Variants in UNC5D observed in about 807,000 individuals in gnomAD.
UNC5D encodes the protein netrin receptor UNC5D.
In UNC5D, 39 loss-of-function variants were observed where a neutral mutation model predicts 105.4. The observed-to-expected ratio is 0.37, with a 90% CI of 0.29 to 0.48. UNC5D has a LOEUF of 0.48. Among genes scored for constraint, UNC5D ranks in the 20% least tolerant of loss-of-function variants. The pLI is 0.98. For missense variants in UNC5D, 991 were observed against 1,202.4 expected, an observed-to-expected ratio of 0.82 and a Z score of 2.60; for synonymous variants, 452 against 450.4, an observed-to-expected ratio of 1.00 and a Z score of -0.04.
At chr8:35,624,819 G>T (rs925693022) in intron 4 of UNC5D, among the ~76,000 whole-genome samples, 22 of 152,136 alleles carry the variant, frequency 1.4e-4, no homozygotes, top group African/African-American at 5.3e-4. Context: ...ACAAATTGCT[G>T]TGCTTCTTCC....
At chr8:35,681,945 T>A (rs938648228) in intron 4 of UNC5D, among the ~76,000 whole-genome samples, 2 of 151,100 alleles carry the variant, frequency 1.3e-5, no homozygotes, top group Non-Finnish European at 2.9e-5. Flanking sequence ...TTAAACCAAA[T>A]AATTATAGAA....
intron 1 of UNC5D, among the ~76,000 whole-genome samples, chr8:35,404,278 A>G (rs1172332015): frequency 5.9e-5 from 9 of 152,190 alleles, no homozygotes; most frequent in Non-Finnish European, 1.3e-4. Context: ...GTTTGTCAAG[A>G]GGCCAAGAAA....
intron 1 of UNC5D, among the ~76,000 whole-genome samples, chr8:35,439,906 C>T (rs367631579): frequency 6.6e-6 from 1 of 151,892 alleles, no homozygotes; most frequent in African/African-American, 2.4e-5. Flanking sequence ...CTCAGGATGG[C>T]GTATTTCACT....
At chr8:35,270,874 A>T (rs1039076038) in intron 1 of UNC5D, among the ~76,000 whole-genome samples, 14 of 152,074 alleles carry the variant, frequency 9.2e-5, no homozygotes, top group African/African-American at 3.4e-4. Context: ...GCAATAAAAA[A>T]AAAATCACTA....
intron 1 of UNC5D, among the ~76,000 whole-genome samples, chr8:35,357,250 GA>G (rs1396076434): frequency 1.3e-5 from 2 of 152,072 alleles, no homozygotes; most frequent in Non-Finnish European, 2.9e-5. Flanking sequence ...GTTACCACGA[GA>G]AAAAAGTCAA....
At chr8:35,417,146 T>C (rs1805583595) in intron 1 of UNC5D, among the ~76,000 whole-genome samples, 1 of 152,174 alleles carries the variant, frequency 6.6e-6, no homozygotes, top group Admixed American at 6.5e-5. Flanking sequence ...GTCATTCTGT[T>C]GTGCTATCAA....
intron 1 of UNC5D, among the ~76,000 whole-genome samples, chr8:35,422,156 A>G (rs1262438007): frequency 1.3e-5 from 2 of 152,182 alleles, no homozygotes; most frequent in Non-Finnish European, 2.9e-5. Flanking sequence ...AGCTGCCACC[A>G]GTTGTCACCG....
chr8:35,683,727 G>A lies in UNC5D; in HGVS notation c.751G>A (p.Val251Met), dbSNP rs1825822877. The A allele has an allele frequency of 2.6e-6, 4 of 1,509,990 alleles. No homozygotes were observed. Among genetic ancestry groups the A allele is most frequent in the Non-Finnish European group, 3.5e-6 (4 of 1,135,926 alleles). The allele number at this position is 1,509,990 out of a possible 1,614,324, so 93.5% of individuals were successfully genotyped here. A position where few individuals can be genotyped will look rare whatever the true frequency, so the allele number is the denominator to read the frequency against. ...RSLSATVVVY[V>M]NGGWSSWTEW... ...CCTGTCGGCCACTGTTGTGGTCTAC[G>A]GTAAGACCATTCCAAAGGCCAGGAA... The change falls in exon 5 of 17, where the codon GTG (valine) becomes ATG (methionine). Residue 251 changes from valine (V) to methionine (M), a missense_variant and splice_region_variant. Around this residue, in one of 3 missense-constraint regions of UNC5D, gnomAD observed 944 missense variants for 1,131.6 expected, o/e 0.83. Transcript: ENST00000404895.
chr8:35,469,201 T>C (rs187093412), intron 1 of UNC5D, among the ~76,000 whole-genome samples: 4 of 152,222 alleles, frequency 2.6e-5, no homozygotes, highest in African/African-American at 9.6e-5. Context: ...GGAGGAAGTA[T>C]ACTTATTAGT....
Position 35,288,378 on chromosome 8 carries a change from C to T in UNC5D, c.103+52491C>T, listed in dbSNP as rs1057092897. Among the ~76,000 whole-genome samples, 12 of 142,182 alleles carry T rather than the reference C, an allele frequency of 8.4e-5. No homozygotes were observed. In the East Asian group the frequency reaches 1.4e-3, roughly 17 times the overall value. The allele number at this position is 142,182 out of a possible 152,430, so 93.3% of individuals were successfully genotyped here. ...AAAGCTGTTCTTCATAAATGAGGGA[C>T]AAAAAAAAAACTTTCGAGCAAATAA... On this transcript the variant is annotated intron_variant, in intron 1 of 16. Transcript: ENST00000404895.
intron 4 of UNC5D, among the ~76,000 whole-genome samples, chr8:35,597,592 T>C (rs1819567603): frequency 6.6e-6 from 1 of 152,200 alleles, no homozygotes; most frequent in South Asian, 2.1e-4. Context: ...TTCCTTCTGG[T>C]TCTGTGCCGG....
chr8:35,523,239 C>T (rs575901273), intron 1 of UNC5D, among the ~76,000 whole-genome samples: 6 of 152,082 alleles, frequency 3.9e-5, no homozygotes, highest in East Asian at 1.9e-4. Flanking sequence ...CACACCACCA[C>T]GTCTAGCTAA....
chr8:35,721,624 T>G (rs1828588286), intron 8 of UNC5D, among the ~76,000 whole-genome samples: 1 of 152,238 alleles, frequency 6.6e-6, no homozygotes, highest in Non-Finnish European at 1.5e-5. Flanking sequence ...AATTCTCTCA[T>G]AATGACTGTA....
chr8:35,669,166 G>A (rs888861043), intron 4 of UNC5D, among the ~76,000 whole-genome samples: 49 of 152,090 alleles, frequency 3.2e-4, no homozygotes, highest in African/African-American at 1.2e-3. Context: ...ACTTATCTGT[G>A]TTGAAGATAT....
intron 1 of UNC5D, among the ~76,000 whole-genome samples, chr8:35,435,407 G>T (rs1806940931): frequency 6.6e-6 from 1 of 152,024 alleles, no homozygotes; most frequent in Admixed American, 6.6e-5. Flanking sequence ...GCTGGCAAAA[G>T]AATTATGCTG....
intron 1 of UNC5D, among the ~76,000 whole-genome samples, chr8:35,345,173 G>A (rs1047264639): frequency 4.6e-5 from 7 of 152,002 alleles, no homozygotes; most frequent in Non-Finnish European, 8.8e-5. Context: ...AAGAACGCTT[G>A]TAATCTAATT....
chr8:35,437,822 T>C (rs1172142628), intron 1 of UNC5D, among the ~76,000 whole-genome samples: 1 of 151,956 alleles, frequency 6.6e-6, no homozygotes, highest in East Asian at 1.9e-4. Flanking sequence ...GCTTTGTGAA[T>C]TTAGTAACAG....
chr8:35,596,408 A>G (rs1198047017), intron 4 of UNC5D, among the ~76,000 whole-genome samples: 2 of 152,216 alleles, frequency 1.3e-5, no homozygotes, highest in African/African-American at 4.8e-5. Flanking sequence ...AAAAATACTA[A>G]GAAGTATAAG....
chr8:35,382,608 G>C (rs1170999153), intron 1 of UNC5D, among the ~76,000 whole-genome samples: 1 of 152,144 alleles, frequency 6.6e-6, no homozygotes, highest in African/African-American at 2.4e-5. Context: ...TTGAGATGGG[G>C]CTTTAATATT....
Sources: gnomAD v4.1 joint callset for allele counts (sites outside exome capture counted in the v4.1 genomes callset) on GRCh38, gnomAD v4.1.1 for gene constraint, gnomAD v4.1.1 regional missense constraint, MANE v1.5 for transcripts, NCBI Gene and HGNC (gene_info 2026-07-23, HGNC 2026-07-21) for gene names.